Variants in ASB10 observed in about 807,000 individuals in gnomAD.
ASB10 encodes ankyrin repeat and SOCS box containing 10, also known as ankyrin repeat and SOCS box protein 10.
Under a neutral mutation model 35.4 loss-of-function variants are expected in ASB10, and 44 were observed. That is an observed-to-expected ratio of 1.24 (90% CI 0.98 to 1.60). The LOEUF (loss-of-function observed/expected upper bound fraction) is 1.60. Among genes scored for constraint, ASB10 ranks in the 40% most tolerant of loss-of-function variants. The pLI is 0.00. For missense variants in ASB10, 647 were observed against 634.3 expected (o/e 1.02, Z -0.22); for synonymous variants, 294 against 280.4 (o/e 1.05, Z -0.49).
Position 151,186,927 on chromosome 7 carries a change from G to A in ASB10, c.204C>T (p.Gly68=). The change falls in exon 1 of 6, where the codon GGC becomes GGT. Residue 68 remains glycine, a synonymous_variant. Transcript: ENST00000420175. The part of the protein sequence containing the change: ...FWQAVLAGDV[G]CVSRILADSS... ...AGTCCGCGAGGATGCGGGAGACACA[G>A]CCCACGTCCCCAGCCAGCACTGCCT... 1 of 1,613,414 alleles carries A rather than the reference G, an allele frequency of 6.2e-7. No individual in the cohort carries two copies. The highest frequency in any genetic ancestry group is 8.5e-7 in the Non-Finnish European group (1 of 1,179,996).
chr7:151,176,217 G>A lies in ASB10; in HGVS notation c.1299C>T (p.Leu433=), dbSNP rs757142652. The change falls in exon 5 of 6, where the codon CTC becomes CTT. Residue 433 remains leucine, a synonymous_variant. Coordinates refer to ENST00000420175, the MANE Select transcript of ASB10 (RefSeq NM_001142459.2). ...GCAGGCTGCCCTCCAGGTGGGAGCG[G>A]AGCGCACAGCGGCTCAAATGCTGCA... ...RSLQHLSRCA[L]RSHLEGSLPQ... is the part of the protein sequence containing the mutation. 6.2e-7 allele frequency: 1 copy of A among 1,607,814 alleles called. No homozygotes were observed. The highest frequency in any genetic ancestry group is 8.5e-7 in the Non-Finnish European group (1 of 1,177,918).
intron 3 of ASB10, 143 bp downstream of exon 3, chr7:151,180,796 C>T: frequency 2.9e-6 from 4 of 1,390,110 alleles, no homozygotes; most frequent in Non-Finnish European, 3.7e-6. Flanking sequence ...CCTATTTGGG[C>T]TTTGCTTACA....
In ASB10 at chr7:151,186,867, A is replaced by G. The variant is rs1406633047; in HGVS notation, c.264T>C (p.Asp88=). ...STGLAPDSVF[D]TSDPERWRDF... ...CCCTCCATCGCTCTGGGTCGCTGGT[A>G]TCAAAGACGGAATCAGGAGCCAGGC... The change falls in exon 1 of 6, where the codon GAT becomes GAC. Residue 88 remains aspartate, a synonymous_variant. Transcript: ENST00000420175. The G allele has an allele frequency of 1.2e-6, 2 of 1,613,056 alleles. No homozygotes were observed. The highest frequency in any genetic ancestry group is 1.1e-5 in the South Asian group (1 of 91,028).
At position 151,181,126 on chromosome 7, in the gene ASB10, T is replaced by C. The variant is rs1801479467; in HGVS notation, c.917A>G (p.His306Arg). Reference sequence around the variant, plus strand: ...CAGGAGCAGCTCCACGACAGCTGCATGGCCACGGCGGCAGGCCAGGTGCAG... The same window carrying C: ...CAGGAGCAGCTCCACGACAGCTGCACGGCCACGGCGGCAGGCCAGGTGCAG... ...RPLHLACRRG[H>R]AAVVELLLSC... The change falls in exon 3 of 6, where the codon CAT (histidine) becomes CGT (arginine). Residue 306 changes from histidine (H) to arginine (R), a missense_variant. Coordinates refer to ENST00000420175, the MANE Select transcript of ASB10 (RefSeq NM_001142459.2). 1 of 1,611,926 alleles carries C rather than the reference T, an allele frequency of 6.2e-7. No individual in the cohort carries two copies.
At chr7:151,180,571 G>T (rs150805652) in intron 3 of ASB10, among the ~76,000 whole-genome samples, 93 of 152,106 alleles carry the variant, frequency 6.1e-4, no homozygotes, top group African/African-American at 2.0e-3. Context: ...CTTAAACAAC[G>T]CCCACCACCC....
chr7:151,182,396 G>A (rs1318259024), intron 2 of ASB10, among the ~76,000 whole-genome samples: 3 of 152,104 alleles, frequency 2.0e-5, no homozygotes, highest in Non-Finnish European at 1.5e-5. Flanking sequence ...TGGCAAACAC[G>A]GTGAACCCCC....
upstream of ASB10, chr7:151,187,445 C>T (rs1563579093): frequency 1.0e-5 from 16 of 1,551,230 alleles, no homozygotes; most frequent in Non-Finnish European, 1.0e-5. The surrounding 1 kb of genome is among the most constrained non-coding windows in gnomAD (Gnocchi z 5.3). Context: ...CCCCAGATGC[C>T]CCTCACCCCT....
rs60225696 is a variant in ASB10, at chr7:151,177,572, G to A, written c.1105-896C>T. On this transcript the variant is annotated intron_variant, in intron 3 of 5. Transcript: ENST00000420175. ...CAGAATCCATCCAATGCCAAGTGAGGGTAGAGACAGCTACAAGAGGGGGCC... is the reference window on the plus strand; with the variant it reads ...CAGAATCCATCCAATGCCAAGTGAGAGTAGAGACAGCTACAAGAGGGGGCC... Among the ~76,000 whole-genome samples the A allele has an allele frequency of 3.3e-5, 5 of 150,984 alleles. No homozygotes were observed. In the East Asian group the frequency reaches 9.9e-4, roughly 30 times the overall value.
rs753274584 is a variant in ASB10, at chr7:151,186,908, C to T, written c.223G>A (p.Ala75Thr). The change falls in exon 1 of 6, where the codon GCG (alanine) becomes ACG (threonine). Residue 75 changes from alanine to threonine, a missense_variant. By Grantham distance (58) the Ala-to-Thr change is moderately conservative. Transcript: ENST00000420175. Reference sequence around the variant, plus strand: ...GGAGCCAGGCCAGTACTGGAGTCCGCGAGGATGCGGGAGACACAGCCCACG... The same window carrying T: ...GGAGCCAGGCCAGTACTGGAGTCCGTGAGGATGCGGGAGACACAGCCCACG... ...GDVGCVSRILADSSTGLAPDS... is the reference protein window; with the variant it reads ...GDVGCVSRILTDSSTGLAPDS... The T allele has an allele frequency of 7.4e-6, 12 of 1,613,994 alleles. No homozygotes were observed. The highest frequency in any genetic ancestry group is 1.7e-5 in the Admixed American group (1 of 60,026).
chr7:151,184,272 G>A (rs1333328659), intron 2 of ASB10, among the ~76,000 whole-genome samples: 3 of 152,064 alleles, frequency 2.0e-5, no homozygotes, highest in Non-Finnish European at 4.4e-5. Flanking sequence ...AAGTAGCCGG[G>A]TGCGGTGGTG....
intron 5 of ASB10, 73 bp from the exon 6 acceptor site, chr7:151,176,039 C>T: frequency 6.5e-7 from 1 of 1,545,168 alleles, no homozygotes; most frequent in Non-Finnish European, 8.8e-7. Context: ...GGGCCCTCCC[C>T]AACCCTTCTC....
chr7:151,180,190 C>T (rs1801459281), intron 3 of ASB10, among the ~76,000 whole-genome samples: 1 of 152,240 alleles, frequency 6.6e-6, no homozygotes. Flanking sequence ...ATGACATTAT[C>T]TATGCCCCTC....
chr7:151,179,615 C>A (rs550306427), intron 3 of ASB10, among the ~76,000 whole-genome samples: 1 of 152,320 alleles, frequency 6.6e-6, no homozygotes, highest in African/African-American at 2.4e-5. Flanking sequence ...CACAGATGGG[C>A]GGTGGAGGCT....
chr7:151,178,197 C>G (rs888645658), intron 3 of ASB10, among the ~76,000 whole-genome samples: 1 of 152,116 alleles, frequency 6.6e-6, no homozygotes, highest in Non-Finnish European at 1.5e-5. Flanking sequence ...TGCAGTGAGC[C>G]GGGATCGTGC....
chr7:151,179,197 C>T (rs1271956180), intron 3 of ASB10, among the ~76,000 whole-genome samples: 1 of 152,342 alleles, frequency 6.6e-6, no homozygotes, highest in South Asian at 2.1e-4. Flanking sequence ...CTCACAGTAA[C>T]CCTATGAAGA....
intron 5 of ASB10, 38 bp downstream of exon 5, chr7:151,176,074 C>T (rs761834358): frequency 1.2e-6 from 2 of 1,601,030 alleles, no homozygotes; most frequent in South Asian, 2.2e-5. Context: ...TCCCTGGACC[C>T]CAAGCAGCTG....
chr7:151,185,877 C>T (rs1801579605), intron 2 of ASB10, among the ~76,000 whole-genome samples: 1 of 152,026 alleles, frequency 6.6e-6, no homozygotes, highest in African/African-American at 2.4e-5. Flanking sequence ...CTGAGGGTGC[C>T]CTACCAATAT....
At chr7:151,184,381 C>T (rs1242766092) in intron 2 of ASB10, among the ~76,000 whole-genome samples, 3 of 149,120 alleles carry the variant, frequency 2.0e-5, no homozygotes, top group African/African-American at 7.5e-5. Flanking sequence ...CCACTGCACT[C>T]CAGCCTGGGC....
In ASB10 at chr7:151,181,173, C is replaced by T. The variant is rs2253592; in HGVS notation, c.870G>A (p.Ala290=). The T allele has an allele frequency of 6.1e-5, 99 of 1,610,232 alleles. 1 individual carries two copies. In the South Asian group the frequency reaches 1.0e-3, roughly 16 times the overall value. ...GCAGGGGTCGCTGCTTGTCCTGGTC[C>T]GCAGCATCAGCGTCTGCTCCAGCTG... ...LLSAGADADA[A]DQDKQRPLHL... Residue 290 remains alanine, a synonymous_variant, in exon 3 of 6, where the codon GCG becomes GCA. Coordinates refer to ENST00000420175, the MANE Select transcript of ASB10 (RefSeq NM_001142459.2).
Sources: allele counts gnomAD v4.1 joint callset (sites outside exome capture counted in the v4.1 genomes callset), GRCh38; gene constraint gnomAD v4.1.1; non-coding constraint Gnocchi (gnomAD v3.1); transcripts MANE v1.5; gene names NCBI Gene and HGNC (gene_info 2026-07-23, HGNC 2026-07-21).